Variants in ICA1 observed in about 807,000 individuals in gnomAD.
ICA1 encodes islet cell autoantigen 1.
Under a neutral mutation model 71.0 loss-of-function variants are expected in ICA1, and 40 were observed. The ratio of observed to expected loss-of-function variants is 0.56; its 90% CI spans 0.44 to 0.73. The LOEUF (loss-of-function observed/expected upper bound fraction) is 0.73, where lower values mean the gene tolerates loss of function less well. Ranked by LOEUF, ICA1 falls within the 30% of genes least tolerant of loss-of-function variation. The pLI is 0.00. For synonymous variants in ICA1, 207 were observed against 209.5 expected, an observed-to-expected ratio of 0.99 and a Z score of 0.10; for missense variants, 578 against 576.5, an observed-to-expected ratio of 1.00 and a Z score of -0.03.
intron 6 of ICA1, among the ~76,000 whole-genome samples, chr7:8,209,958 T>A (rs1793065051): frequency 6.6e-6 from 1 of 152,108 alleles, no homozygotes. Flanking sequence ...GAAATTATTC[T>A]AGAGGGAAGC....
At chr7:8,125,720 C>A (rs1418838500) in intron 13 of ICA1, among the ~76,000 whole-genome samples, 1 of 152,226 alleles carries the variant, frequency 6.6e-6, no homozygotes, top group African/African-American at 2.4e-5. Flanking sequence ...GTGCCTGGCA[C>A]ACAGTGGGAC....
chr7:8,122,592 T>A (rs917861476), intron 13 of ICA1, among the ~76,000 whole-genome samples: 10 of 152,222 alleles, frequency 6.6e-5, no homozygotes, highest in African/African-American at 2.4e-4. Context: ...ATACACCCCG[T>A]GGTCTTTTCC....
At chr7:8,224,764 C>T (rs1686221966) in intron 4 of ICA1, among the ~76,000 whole-genome samples, 1 of 152,266 alleles carries the variant, frequency 6.6e-6, no homozygotes, top group Non-Finnish European at 1.5e-5. Flanking sequence ...TCCTTAGTTT[C>T]CTTAAATCTG....
chr7:8,113,723 T>A lies in ICA1; in HGVS notation c.*200A>T. On this transcript the variant is annotated 3_prime_UTR_variant, in exon 14 of 14. Coordinates refer to ENST00000402384, the MANE Select transcript of ICA1 (RefSeq NM_001136020.3). The surrounding 1 kb of genome is among the most constrained non-coding windows in gnomAD (Gnocchi z 4.2). ...TCTAGACAATCCTGTATTATTTAGA[T>A]CCACATAGAGATACACGAAAACCCT... 1.9e-6 allele frequency: 1 copy of A among 538,942 alleles called. No individual in the cohort carries two copies. Among genetic ancestry groups the A allele is most frequent in the Non-Finnish European group, 3.3e-6 (1 of 306,790 alleles). 33.4% of individuals were successfully genotyped at this position (538,942 alleles called of 1,614,324 possible). A position where few individuals can be genotyped will look rare whatever the true frequency, so the allele number is the denominator to read the frequency against.
chr7:8,204,014 G>A (rs940701236), intron 6 of ICA1, among the ~76,000 whole-genome samples: 2 of 151,754 alleles, frequency 1.3e-5, no homozygotes, highest in Admixed American at 6.6e-5. Flanking sequence ...AATGTGAAAC[G>A]CCAAACCCAG....
chr7:8,188,792 G>T (rs1232990752), intron 6 of ICA1, among the ~76,000 whole-genome samples: 1 of 152,146 alleles, frequency 6.6e-6, no homozygotes, highest in Non-Finnish European at 1.5e-5. Context: ...CCCTAGGGCA[G>T]AGAAGAAGCA....
At chr7:8,179,751 G>A (rs977683041) in intron 6 of ICA1, among the ~76,000 whole-genome samples, 2 of 151,736 alleles carry the variant, frequency 1.3e-5, no homozygotes, top group South Asian at 2.1e-4. Context: ...GAGGAAGGGA[G>A]AACTTTTTTT....
rs912630677 is a variant in ICA1, at chr7:8,177,325, A to AT, written c.580-18674dup. Among the ~76,000 whole-genome samples, 93 of 150,450 alleles carry AT rather than the reference A, an allele frequency of 6.2e-4. 1 individual carries two copies. Among genetic ancestry groups the AT allele is most frequent in the Admixed American group, 2.5e-3 (38 of 15,070 alleles). ...TTCTTAATGTTTGCTCAGCTGGTGA[A>AT]TTTTTTTTTTCTGTTTTCTGTTTTT... On this transcript the variant is annotated intron_variant, in intron 6 of 13. Transcript: ENST00000402384.
chr7:8,168,380 T>C (rs1806955583), intron 6 of ICA1, among the ~76,000 whole-genome samples: 1 of 152,116 alleles, frequency 6.6e-6, no homozygotes, highest in African/African-American at 2.4e-5. Context: ...GAAATCCCTA[T>C]TTTACAGAAG....
chr7:8,155,252 G>A (rs1312021777), intron 8 of ICA1, among the ~76,000 whole-genome samples: 3 of 152,050 alleles, frequency 2.0e-5, no homozygotes, highest in Non-Finnish European at 4.4e-5. Context: ...ATAATTTAAG[G>A]AAGGCTCTGG....
At position 8,253,000 on chromosome 7, in the gene ICA1, G is replaced by A. The variant is rs188055563; in HGVS notation, c.-80+9094C>T. ...AGCTGGAATTATAAGCATGGCACAC[G>A]CCACAGCCCCCACCTTATTTCTTTT... On this transcript the variant is annotated intron_variant, in intron 1 of 13. Coordinates refer to ENST00000402384, the MANE Select transcript of ICA1 (RefSeq NM_001136020.3). Among the ~76,000 whole-genome samples the A allele has an allele frequency of 4.7e-3, 722 of 152,050 alleles. 6 individuals carry two copies. The highest frequency in any genetic ancestry group is 0.015 in the South Asian group (72 of 4,804).
At chr7:8,260,897 A>C (rs1812077770) in intron 1 of ICA1, among the ~76,000 whole-genome samples, 1 of 152,240 alleles carries the variant, frequency 6.6e-6, no homozygotes, top group Non-Finnish European at 1.5e-5. Flanking sequence ...TCTCAGATTC[A>C]AACCAGAGGG....
At chr7:8,195,464 C>T (rs539165803) in intron 6 of ICA1, among the ~76,000 whole-genome samples, 1 of 151,828 alleles carries the variant, frequency 6.6e-6, no homozygotes, top group African/African-American at 2.4e-5. Context: ...AATCCTTGAA[C>T]CCGGGAGGCA....
At chr7:8,150,890 G>A (rs1046244143) in intron 8 of ICA1, among the ~76,000 whole-genome samples, 2 of 152,224 alleles carry the variant, frequency 1.3e-5, no homozygotes, top group African/African-American at 4.8e-5. Context: ...TGGCCCTGCT[G>A]GGGAAGGCAG....
chr7:8,262,399 T>A (rs1001746401), upstream of ICA1: 1 of 152,128 alleles, frequency 6.6e-6, no homozygotes, highest in Non-Finnish European at 1.5e-5. Flanking sequence ...GAGCGACCCC[T>A]CCCAGGGTGA....
chr7:8,140,778 TTTG>T (rs944631618), intron 10 of ICA1, among the ~76,000 whole-genome samples: 15 of 152,210 alleles, frequency 9.9e-5, no homozygotes, highest in South Asian at 4.1e-4. Flanking sequence ...AAGTGAGTCT[TTTG>T]TTGTTGTTGT....
chr7:8,229,131 T>C (rs1317193445), intron 3 of ICA1, among the ~76,000 whole-genome samples: 1 of 152,206 alleles, frequency 6.6e-6, no homozygotes, highest in Non-Finnish European at 1.5e-5. Flanking sequence ...TCCTAATGTA[T>C]TTTATGGCAT....
At chr7:8,255,980 G>C (rs370642270) in intron 1 of ICA1, among the ~76,000 whole-genome samples, 1 of 151,358 alleles carries the variant, frequency 6.6e-6, no homozygotes, top group African/African-American at 2.5e-5. Flanking sequence ...TCACTATGTT[G>C]CCCAGGCTGG....
At chr7:8,161,835 C>A (rs1286341938) in intron 6 of ICA1, among the ~76,000 whole-genome samples, 1 of 152,146 alleles carries the variant, frequency 6.6e-6, no homozygotes, top group African/African-American at 2.4e-5. Flanking sequence ...GCCTTGTGTG[C>A]AATGAGAAAT....
Sources: gnomAD v4.1 joint callset for allele counts (sites outside exome capture counted in the v4.1 genomes callset) on GRCh38, gnomAD v4.1.1 for gene constraint, Gnocchi (gnomAD v3.1) non-coding constraint, MANE v1.5 for transcripts, NCBI Gene and HGNC (gene_info 2026-07-23, HGNC 2026-07-21) for gene names.